The following PTPRA variants were observed in gnomAD, a reference collection of about 807,000 sequenced individuals.
The protein encoded by PTPRA is protein tyrosine phosphatase receptor type A.
A neutral mutation model predicts 104.8 loss-of-function variants in PTPRA; 25 were observed. The observed-to-expected ratio is 0.24, with a 90% CI of 0.17 to 0.33. The LOEUF is 0.33. Among genes scored for constraint, PTPRA ranks in the 10% least tolerant of loss-of-function variants. PTPRA has a pLI of 1.00. For missense variants in PTPRA, 765 were observed against 1,015.3 expected (o/e 0.75, Z 3.35); for synonymous variants, 323 against 368.9 (o/e 0.88, Z 1.43).
At chr20:2,913,905 T>A (rs2059807014) in intron 1 of PTPRA, among the ~76,000 whole-genome samples, 2 of 152,244 alleles carry the variant, frequency 1.3e-5, no homozygotes, top group African/African-American at 4.8e-5. Context: ...ATTTTTTTGC[T>A]GGATTATTGG....
chr20:2,951,337 T>C (rs1382493023), intron 3 of PTPRA, among the ~76,000 whole-genome samples: 1 of 152,134 alleles, frequency 6.6e-6, no homozygotes, highest in Non-Finnish European at 1.5e-5. Flanking sequence ...CCTGACCTCG[T>C]GATCCGCCCA....
At chr20:2,945,409 G>A (rs187711763) in intron 2 of PTPRA, among the ~76,000 whole-genome samples, 4 of 152,142 alleles carry the variant, frequency 2.6e-5, no homozygotes, top group Admixed American at 2.6e-4. Flanking sequence ...CAGTTTCAGG[G>A]ACTGATTTGC....
chr20:3,002,679 G>T (rs529231686), intron 9 of PTPRA, among the ~76,000 whole-genome samples: 48 of 152,178 alleles, frequency 3.2e-4, no homozygotes, highest in Admixed American at 7.2e-4. Flanking sequence ...CCATTTCCTT[G>T]TATCATCATT....
chr20:2,941,900 C>T (rs538080894), intron 2 of PTPRA, among the ~76,000 whole-genome samples: 26 of 152,246 alleles, frequency 1.7e-4, no homozygotes, highest in African/African-American at 6.0e-4. Context: ...AAATTTTCTT[C>T]TTCTATAGGC....
At chr20:2,931,735 TGTG>T (rs2060513572) in intron 2 of PTPRA, among the ~76,000 whole-genome samples, 1 of 151,916 alleles carries the variant, frequency 6.6e-6, no homozygotes, top group Non-Finnish European at 1.5e-5. Context: ...TGTGTGTGTG[TGTG>T]TGTGTGTGTA....
At chr20:2,917,633 G>T (rs1464537651) in intron 1 of PTPRA, among the ~76,000 whole-genome samples, 1 of 152,132 alleles carries the variant, frequency 6.6e-6, no homozygotes, top group East Asian at 1.9e-4. Flanking sequence ...GATTTTGGTA[G>T]CTGGAGAGTT....
chr20:3,036,293 G>C (rs1366615495), intron 22 of PTPRA, among the ~76,000 whole-genome samples: 1 of 152,250 alleles, frequency 6.6e-6, no homozygotes, highest in Non-Finnish European at 1.5e-5. Context: ...GCAGAAGAGA[G>C]ACAGTAAAGA....
chr20:2,981,298 A>G (rs997083229), intron 6 of PTPRA, among the ~76,000 whole-genome samples: 2 of 152,208 alleles, frequency 1.3e-5, no homozygotes, highest in African/African-American at 4.8e-5. Flanking sequence ...TACCTAAGTA[A>G]TTGCATTTGA....
chr20:2,975,264 G>A, intron 6 of PTPRA, 23 bp downstream of exon 6: 1 of 1,577,508 alleles, frequency 6.3e-7, no homozygotes, highest in Non-Finnish European at 8.7e-7. Flanking sequence ...CCTTATATCT[G>A]TTGTTCCTTT....
chr20:2,887,197 A>G (rs547857249), intron 1 of PTPRA, among the ~76,000 whole-genome samples: 4 of 152,322 alleles, frequency 2.6e-5, no homozygotes, highest in South Asian at 4.1e-4. Context: ...TGGGTTTTAC[A>G]TTACTATTTT....
At chr20:3,010,403 C>T (rs1325180686) in intron 11 of PTPRA, among the ~76,000 whole-genome samples, 3 of 151,516 alleles carry the variant, frequency 2.0e-5, no homozygotes, top group African/African-American at 4.8e-5. Flanking sequence ...CCGAGGCGGG[C>T]GGATCACAAG....
At chr20:2,938,885 G>T (rs1328252159) in intron 2 of PTPRA, among the ~76,000 whole-genome samples, 3 of 152,022 alleles carry the variant, frequency 2.0e-5, no homozygotes, top group African/African-American at 7.3e-5. Flanking sequence ...TCTTGGTATT[G>T]TCATCTGTTG....
At chr20:2,992,485 G>T (rs1262454034) in intron 9 of PTPRA, among the ~76,000 whole-genome samples, 1 of 151,504 alleles carries the variant, frequency 6.6e-6, no homozygotes, top group East Asian at 1.9e-4. Context: ...CCATTGCACT[G>T]TAGCCTGGGC....
rs780330163 is a variant in PTPRA, at chr20:3,027,149, T to C, written c.1737T>C (p.Val579=). The C allele has an allele frequency of 2.5e-6, 4 of 1,614,058 alleles. No homozygotes were observed. The highest frequency in any genetic ancestry group is 1.7e-5 in the Admixed American group (1 of 60,000). The change falls in exon 19 of 24, where the codon GTT becomes GTC. Residue 579 remains valine (V), a synonymous_variant. Transcript: ENST00000399903. The part of the protein sequence containing the change: ...PYEFNRVIIP[V]KRGEENTDYV... ...AATTCAACAGAGTGATCATTCCAGTTAAGCGGGGCGAAGAGAATACAGACT... is the reference window on the plus strand; with the variant it reads ...AATTCAACAGAGTGATCATTCCAGTCAAGCGGGGCGAAGAGAATACAGACT...
At chr20:2,982,672 C>CA (rs901707995) in intron 6 of PTPRA, among the ~76,000 whole-genome samples, 1 of 151,256 alleles carries the variant, frequency 6.6e-6, no homozygotes, top group African/African-American at 2.4e-5. Flanking sequence ...CCTTGCCTTA[C>CA]AAAAATAGTA....
At chr20:2,975,840 A>G (rs559702100) in intron 6 of PTPRA, among the ~76,000 whole-genome samples, 1 of 152,318 alleles carries the variant, frequency 6.6e-6, no homozygotes, top group East Asian at 1.9e-4. Flanking sequence ...AGCATGAGAG[A>G]AAGAGAAAGA....
rs772503258 is a variant in PTPRA at position 2,964,355 on chromosome 20, A to G, written c.73+5A>G. Reference sequence around the variant, plus strand: ...GTGCCAACAATGCTACCACAGGTAAATTGTCATTTGATAAGGCTGCTATTT... The same window carrying G: ...GTGCCAACAATGCTACCACAGGTAAGTTGTCATTTGATAAGGCTGCTATTT... On this transcript the variant is annotated splice_donor_5th_base_variant and intron_variant, in intron 4 of 23. Transcript: ENST00000399903. The G allele has an allele frequency of 3.2e-6, 5 of 1,585,162 alleles. No homozygotes were observed. Among genetic ancestry groups the G allele is most frequent in the Non-Finnish European group, 4.3e-6 (5 of 1,165,604 alleles).
intron 3 of PTPRA, among the ~76,000 whole-genome samples, chr20:2,956,443 A>G (rs1275637845): frequency 6.6e-6 from 1 of 150,604 alleles, no homozygotes; most frequent in African/African-American, 2.5e-5. Context: ...TTTTACATTC[A>G]TTTAGCAGAT....
intron 1 of PTPRA, among the ~76,000 whole-genome samples, chr20:2,910,166 A>ATCATATT (rs2059623366): frequency 9.9e-6 from 1 of 101,278 alleles, no homozygotes; most frequent in Admixed American, 1.2e-4. Flanking sequence ...CGTCATATAT[A>ATCATATT]ATATGACGTA....
Sources: gnomAD v4.1 joint callset for allele counts (sites outside exome capture counted in the v4.1 genomes callset) on GRCh38, gnomAD v4.1.1 for gene constraint, MANE v1.5 for transcripts, NCBI Gene and HGNC (gene_info 2026-07-23, HGNC 2026-07-21) for gene names.